IGF2BP2: variants seen among roughly 807,000 people sequenced by gnomAD.
The protein encoded by IGF2BP2 is insulin-like growth factor 2 mRNA-binding protein 2.
In IGF2BP2, 17 loss-of-function variants were observed where a neutral mutation model predicts 75.8. That is an observed-to-expected ratio of 0.22 (90% confidence interval 0.15 to 0.34). The LOEUF (loss-of-function observed/expected upper bound fraction) is 0.34, where lower values mean the gene tolerates loss of function less well. IGF2BP2 is among the 10% of genes least tolerant of loss of function. The pLI is 1.00. For synonymous variants in IGF2BP2, 288 were observed against 295.6 expected, an observed-to-expected ratio of 0.97 and a Z score of 0.26; for missense variants, 516 against 772.4, an observed-to-expected ratio of 0.67 and a Z score of 3.93.
intron 2 of IGF2BP2, among the ~76,000 whole-genome samples, chr3:185,810,004 G>A (rs1739584009): frequency 6.6e-6 from 1 of 152,180 alleles, no homozygotes; most frequent in Non-Finnish European, 1.5e-5. Context: ...CATCACAAAT[G>A]AGGGGAGCCA....
intron 2 of IGF2BP2, among the ~76,000 whole-genome samples, chr3:185,748,003 C>T (rs1730483121): frequency 6.6e-6 from 1 of 152,010 alleles, no homozygotes; most frequent in Non-Finnish European, 1.5e-5. Context: ...CTACAGGCGC[C>T]TGCCACCATG....
intron 2 of IGF2BP2, among the ~76,000 whole-genome samples, chr3:185,789,466 G>T (rs1253981655): frequency 6.6e-6 from 1 of 152,056 alleles, no homozygotes; most frequent in Non-Finnish European, 1.5e-5. Flanking sequence ...CTATAGATGG[G>T]CAATGACCAC....
intron 7 of IGF2BP2, among the ~76,000 whole-genome samples, chr3:185,678,033 C>A (rs1719818830): frequency 6.6e-6 from 1 of 152,110 alleles, no homozygotes; most frequent in Admixed American, 6.6e-5. Flanking sequence ...GGGCATAGAG[C>A]TTTATTTGAA....
At chr3:185,656,093 C>T (rs187564506) in intron 12 of IGF2BP2, among the ~76,000 whole-genome samples, 56 of 152,370 alleles carry the variant, frequency 3.7e-4, no homozygotes, top group Admixed American at 2.6e-4. Context: ...TTAGTTGAAA[C>T]GGTCCTTTCT....
intron 10 of IGF2BP2, among the ~76,000 whole-genome samples, chr3:185,666,902 AC>A (rs1460596561): frequency 1.3e-5 from 2 of 152,232 alleles, no homozygotes; most frequent in Non-Finnish European, 2.9e-5. Context: ...TTGAATTTTT[AC>A]CAATTCTTCA....
intron 6 of IGF2BP2, among the ~76,000 whole-genome samples, chr3:185,688,174 G>C (rs1427637602): frequency 6.6e-6 from 1 of 152,134 alleles, no homozygotes; most frequent in African/African-American, 2.4e-5. Context: ...CAGGTTACAA[G>C]ACACCCACTG....
At chr3:185,699,184 C>A (rs1560315344) in intron 2 of IGF2BP2, among the ~76,000 whole-genome samples, 1 of 152,044 alleles carries the variant, frequency 6.6e-6, no homozygotes, top group African/African-American at 2.4e-5. Flanking sequence ...CCCAAGAAAT[C>A]CCAACAAGCT....
chr3:185,804,395 G>A (rs1738707213), intron 2 of IGF2BP2, among the ~76,000 whole-genome samples: 2 of 151,590 alleles, frequency 1.3e-5, no homozygotes, highest in Admixed American at 6.6e-5. Flanking sequence ...TCGCGCCACT[G>A]CACTCCAGCC....
chr3:185,723,975 G>A (rs546790841), intron 2 of IGF2BP2, among the ~76,000 whole-genome samples: 125 of 152,326 alleles, frequency 8.2e-4, no homozygotes, highest in African/African-American at 2.8e-3. Flanking sequence ...TCCCAGGGAA[G>A]CCGAAGGAGA....
chr3:185,811,877 T>TCTCTCTCTCC (rs1553897483), intron 2 of IGF2BP2, among the ~76,000 whole-genome samples: 2 of 48,032 alleles, frequency 4.2e-5, no homozygotes, highest in African/African-American at 4.2e-4. Context: ...TCTCTCTCTC[T>TCTCTCTCTCC]CCCCCTCTCC....
At chr3:185,769,766 C>T (rs548251170) in intron 2 of IGF2BP2, among the ~76,000 whole-genome samples, 189 of 143,522 alleles carry the variant, frequency 1.3e-3, no homozygotes, top group African/African-American at 4.4e-3. Flanking sequence ...GAGGTCAATG[C>T]TGCAGTGAAC....
At chr3:185,730,624 G>C (rs891265588) in intron 2 of IGF2BP2, among the ~76,000 whole-genome samples, 1 of 151,866 alleles carries the variant, frequency 6.6e-6, no homozygotes, top group Admixed American at 6.6e-5. Context: ...AGTAGAGACC[G>C]GGTTTCTCCA....
chr3:185,681,378 A>G (rs1720364374), intron 7 of IGF2BP2, among the ~76,000 whole-genome samples: 1 of 152,230 alleles, frequency 6.6e-6, no homozygotes, highest in African/African-American at 2.4e-5. Flanking sequence ...AAACCTAACC[A>G]AGGAGGTAAA....
At position 185,791,226 on chromosome 3, in the gene IGF2BP2, G is replaced by A. The variant is rs570119300; in HGVS notation, c.239+31927C>T. Reference sequence around the variant, plus strand: ...CATAGGTGATTAACAAACCTTTGATGAATAAGTACATAAAAAGATCAATAA... The same window carrying A: ...CATAGGTGATTAACAAACCTTTGATAAATAAGTACATAAAAAGATCAATAA... On this transcript the variant is annotated intron_variant, in intron 2 of 15. Coordinates refer to ENST00000382199, the MANE Select transcript of IGF2BP2 (RefSeq NM_006548.6). Among the ~76,000 whole-genome samples, 18 of 152,346 alleles carry A rather than the reference G, an allele frequency of 1.2e-4. No homozygotes were observed. The South Asian group carries it at 3.5e-3, about 30-fold the overall frequency.
At chr3:185,773,265 A>G (rs1007171233) in intron 2 of IGF2BP2, among the ~76,000 whole-genome samples, 22 of 152,224 alleles carry the variant, frequency 1.4e-4, no homozygotes, top group Non-Finnish European at 2.4e-4. Flanking sequence ...AGTAAAACAG[A>G]TAATTCCTAC....
At chr3:185,799,275 G>A (rs1361480817) in intron 2 of IGF2BP2, among the ~76,000 whole-genome samples, 4 of 152,130 alleles carry the variant, frequency 2.6e-5, no homozygotes, top group African/African-American at 9.6e-5. Flanking sequence ...TCATGTGCCT[G>A]TAGTCGCAGC....
At chr3:185,681,605 T>G (rs1720398167) in intron 7 of IGF2BP2, among the ~76,000 whole-genome samples, 1 of 152,212 alleles carries the variant, frequency 6.6e-6, no homozygotes, top group African/African-American at 2.4e-5. Flanking sequence ...CAAGGGACCT[T>G]GAATAGCCAA....
intron 3 of IGF2BP2, among the ~76,000 whole-genome samples, chr3:185,697,188 T>C (rs1722694721): frequency 6.6e-6 from 1 of 151,814 alleles, no homozygotes; most frequent in Non-Finnish European, 1.5e-5. Flanking sequence ...GCAACCTCCA[T>C]CTCCTGGGTT....
At chr3:185,708,419 T>C (rs1724349204) in intron 2 of IGF2BP2, among the ~76,000 whole-genome samples, 1 of 152,086 alleles carries the variant, frequency 6.6e-6, no homozygotes, top group Non-Finnish European at 1.5e-5. Context: ...ACCAAAAACA[T>C]CTCCAGGAAG....
Sources: gnomAD v4.1 joint callset for allele counts (sites outside exome capture counted in the v4.1 genomes callset) on GRCh38, gnomAD v4.1.1 for gene constraint, MANE v1.5 for transcripts, NCBI Gene and HGNC (gene_info 2026-07-23, HGNC 2026-07-21) for gene names.